The following NECAB2 variants were observed in gnomAD, a reference collection of about 807,000 sequenced individuals.
The protein encoded by NECAB2 is N-terminal EF-hand calcium binding protein 2.
Under a neutral mutation model 51.9 loss-of-function variants are expected in NECAB2, and 68 were observed. The observed-to-expected ratio is 1.31, with a 90% CI of 1.08 to 1.60. The LOEUF (loss-of-function observed/expected upper bound fraction) is 1.60. Ranked by LOEUF, NECAB2 falls within the 40% of genes most tolerant of loss-of-function variation. The probability of loss-of-function intolerance (pLI) is 0.00; values close to 1 mark genes in which losing one functional copy is unlikely to be tolerated. For missense variants in NECAB2, 854 were observed against 490.3 expected (o/e 1.74, Z -7.00); for synonymous variants, 329 against 203.5 (o/e 1.62, Z -5.25).
intron 10 of NECAB2, among the ~76,000 whole-genome samples, chr16:83,998,990 G>A (rs747281490): frequency 2.6e-5 from 4 of 152,132 alleles, no homozygotes; most frequent in Non-Finnish European, 4.4e-5. Context: ...CCCCGTTTCT[G>A]CAGCAAGGCT....
chr16:83,975,636 A>G (rs558987135), intron 2 of NECAB2, among the ~76,000 whole-genome samples: 6 of 152,048 alleles, frequency 3.9e-5, no homozygotes, highest in Admixed American at 6.6e-5. Context: ...CCCAGTCCCT[A>G]TGGGAAGGTT....
chr16:83,994,776 G>T, intron 8 of NECAB2, 88 bp downstream of exon 8: 2 of 1,430,642 alleles, frequency 1.4e-6, no homozygotes, highest in East Asian at 2.4e-5. Flanking sequence ...AAAAGTCTGG[G>T]CTGCAGAGGG....
At chr16:84,000,076 G>A (rs1221436739) in intron 10 of NECAB2, among the ~76,000 whole-genome samples, 1 of 147,698 alleles carries the variant, frequency 6.8e-6, no homozygotes, top group Non-Finnish European at 1.5e-5. Flanking sequence ...TTTTTTTAAA[G>A]AGACAGTGTT....
chr16:83,968,878 C>G (rs748132988), intron 1 of NECAB2, 29 bp downstream of exon 1: 3 of 1,102,640 alleles, frequency 2.7e-6, no homozygotes. Flanking sequence ...GGACCCCCGC[C>G]GTGGCCTCCG....
In NECAB2 at chr16:83,981,017, TTTCC is replaced by T; in HGVS notation, c.362-8_362-5del. On this transcript the variant is annotated splice_polypyrimidine_tract_variant and intron_variant, in intron 4 of 12. Transcript: ENST00000305202. ...GGACCTGTGACCCCTGACCTTTGCC[TTTCC>T]TTCCCCAGATTACTTTGTGGACCAC... 6.2e-7 allele frequency: 1 copy of T among 1,613,672 alleles called. No homozygotes were observed. The highest frequency in any genetic ancestry group is 8.5e-7 in the Non-Finnish European group (1 of 1,179,628).
In NECAB2 at chr16:83,994,730, C is replaced by G. The variant is rs370961137; in HGVS notation, c.795+42C>G. The G allele has an allele frequency of 6.9e-6, 11 of 1,596,524 alleles. No homozygotes were observed. In the South Asian group the frequency reaches 1.1e-4, roughly 16 times the overall value. On this transcript the variant is annotated intron_variant, in intron 8 of 12. Coordinates refer to ENST00000305202, the MANE Select transcript of NECAB2 (RefSeq NM_019065.3). ...CCACGGCGTCTACTCCTTCCAACCC[C>G]TGAGGGAGTGCAGAGTTAAGCCTGG...
chr16:83,994,919 G>C (rs994759487), intron 8 of NECAB2, among the ~76,000 whole-genome samples: 2 of 152,146 alleles, frequency 1.3e-5, no homozygotes, highest in South Asian at 4.1e-4. Context: ...GAGAGTGTTG[G>C]GGGGTCAGGC....
At chr16:83,997,375 A>T in intron 9 of NECAB2, 106 bp downstream of exon 9, 1 of 1,405,844 alleles carries the variant, frequency 7.1e-7, no homozygotes. Context: ...CCTGCTTGGG[A>T]CCACCAGGAG....
At chr16:83,977,748 C>T (rs913588619) in intron 2 of NECAB2, among the ~76,000 whole-genome samples, 11 of 152,298 alleles carry the variant, frequency 7.2e-5, no homozygotes, top group South Asian at 2.1e-4. Context: ...AACCTCATGC[C>T]GGCCATTGGC....
chr16:83,973,028 C>T (rs936820370), intron 2 of NECAB2, among the ~76,000 whole-genome samples: 2 of 152,240 alleles, frequency 1.3e-5, no homozygotes, highest in African/African-American at 4.8e-5. Context: ...GCCCTGCCTC[C>T]TTCCCTGGGT....
intron 5 of NECAB2, among the ~76,000 whole-genome samples, chr16:83,986,783 C>G (rs1239462236): frequency 2.0e-5 from 3 of 151,434 alleles, no homozygotes; most frequent in Admixed American, 6.6e-5. Context: ...TTGGCTTGTC[C>G]AAGTGCTGGG....
chr16:83,990,410 T>C, intron 5 of NECAB2, 84 bp from the exon 6 acceptor site: 1 of 1,534,534 alleles, frequency 6.5e-7, no homozygotes, highest in Non-Finnish European at 8.9e-7. Context: ...CAGCACCAGC[T>C]TTCCCCCAAC....
upstream of NECAB2, chr16:83,965,951 G>A (rs1219870341): frequency 1.2e-6 from 2 of 1,610,478 alleles, no homozygotes; most frequent in Non-Finnish European, 1.7e-6. Context: ...TGTGCAGGGG[G>A]GCGCCTTGGC....
chr16:83,974,762 G>T (rs555421358), intron 2 of NECAB2, among the ~76,000 whole-genome samples: 1 of 152,302 alleles, frequency 6.6e-6, no homozygotes, highest in East Asian at 1.9e-4. Context: ...TGTGGGTATA[G>T]ATAGGGGAGT....
chr16:84,000,480 C>CTCAAAAG lies in NECAB2; in HGVS notation c.963-243_963-237dup, dbSNP rs565444448. Among the ~76,000 whole-genome samples the CTCAAAAG allele has an allele frequency of 3.3e-5, 5 of 152,256 alleles. No individual in the cohort carries two copies. The East Asian group carries it at 9.6e-4, about 29-fold the overall frequency. Reference sequence around the variant, plus strand: ...CCTGGGCAACAGAGTGAGACCCTATCTCAAAAGAAAAACTACACTGCATTG... The same window carrying CTCAAAAG: ...CCTGGGCAACAGAGTGAGACCCTATCTCAAAAGTCAAAAGAAAAACTACACTGCATTG... On this transcript the variant is annotated intron_variant, in intron 10 of 12. Coordinates refer to ENST00000305202, the MANE Select transcript of NECAB2 (RefSeq NM_019065.3).
At chr16:83,998,597 A>G (rs954311547) in intron 10 of NECAB2, among the ~76,000 whole-genome samples, 2 of 152,100 alleles carry the variant, frequency 1.3e-5, no homozygotes, top group African/African-American at 4.8e-5. Flanking sequence ...TGCATATACA[A>G]TCAAGTGTGT....
At position 83,980,860 on chromosome 16, in the gene NECAB2, G is replaced by T. The variant is rs369799452; in HGVS notation, c.357G>T (p.Leu119=). 4 of 1,606,120 alleles carry T rather than the reference G, an allele frequency of 2.5e-6. No homozygotes were observed. The highest frequency in any genetic ancestry group is 3.4e-6 in the Non-Finnish European group (4 of 1,175,802). The change falls in exon 4 of 13, where the codon CTG becomes CTT. Residue 119 remains leucine (L), a synonymous_variant. Transcript: ENST00000305202. ...GCAGCCATGTGGACACCAAGGAGCTGTGTGGTAGGTGCCTGGCTATGCTGG... is the reference window on the plus strand; with the variant it reads ...GCAGCCATGTGGACACCAAGGAGCTTTGTGGTAGGTGCCTGGCTATGCTGG... ...DNTNHVDTKE[L]CDYFVDHMGD...
intron 5 of NECAB2, 122 bp from the exon 6 acceptor site, chr16:83,990,372 C>G: frequency 7.6e-7 from 1 of 1,320,032 alleles, no homozygotes; most frequent in South Asian, 1.4e-5. Flanking sequence ...CCGTGGGGTC[C>G]TCCCTTCCCT....
chr16:84,000,349 G>A (rs931455975), intron 10 of NECAB2, among the ~76,000 whole-genome samples: 2 of 128,332 alleles, frequency 1.6e-5, no homozygotes, highest in Admixed American at 6.9e-5. Flanking sequence ...GGGGAACATA[G>A]CAAGACCCCA....
Sources: gnomAD v4.1 joint callset for allele counts (sites outside exome capture counted in the v4.1 genomes callset) on GRCh38, gnomAD v4.1.1 for gene constraint, MANE v1.5 for transcripts, NCBI Gene and HGNC (gene_info 2026-07-23, HGNC 2026-07-21) for gene names.